NIBAN2: variants seen among roughly 807,000 people sequenced by gnomAD.
The protein encoded by NIBAN2 is niban apoptosis regulator 2.
A neutral mutation model predicts 81.8 loss-of-function variants in NIBAN2; 36 were observed. The ratio of observed to expected loss-of-function variants is 0.44; its 90% CI spans 0.34 to 0.58. NIBAN2 has a LOEUF of 0.58. NIBAN2 is among the 20% of genes least tolerant of loss of function. NIBAN2 has a pLI of 0.02. For missense variants in NIBAN2, 897 were observed against 1,014.1 expected, an observed-to-expected ratio of 0.88 and a Z score of 1.57; for synonymous variants, 445 against 441.6, an observed-to-expected ratio of 1.01 and a Z score of -0.10.
chr9:127,539,430 G>C (rs1424663216), intron 1 of NIBAN2, among the ~76,000 whole-genome samples: 1 of 152,194 alleles, frequency 6.6e-6, no homozygotes, highest in Non-Finnish European at 1.5e-5. Flanking sequence ...GAGGCTCAGA[G>C]GGCAAAGTGA....
rs377205731 is a variant in NIBAN2 at position 127,527,209 on chromosome 9, G to A, written c.300C>T (p.Leu100=). The change falls in exon 3 of 14, where the codon CTC becomes CTT. Residue 100 remains leucine, a synonymous_variant. Transcript: ENST00000373312. ...CAGGCCTCACCGCTTTGTTTTCGTA[G>A]AGCACCAGCCCGTAGTTGTGGGGCA... The part of the protein sequence containing the change: ...SLVPHNYGLV[L]YENKAAYERQ... 2.5e-6 allele frequency: 4 copies of A among 1,613,672 alleles called. No individual in the cohort carries two copies. Among genetic ancestry groups the A allele is most frequent in the Non-Finnish European group, 3.4e-6 (4 of 1,179,970 alleles).
intron 4 of NIBAN2, among the ~76,000 whole-genome samples, chr9:127,524,513 G>A (rs915609799): frequency 1.3e-5 from 2 of 152,212 alleles, no homozygotes; most frequent in Non-Finnish European, 2.9e-5. Context: ...AGATTCAGGG[G>A]AGGGGGGGTG....
chr9:127,547,389 T>C (rs10125340), intron 1 of NIBAN2, among the ~76,000 whole-genome samples: 33,669 of 152,024 alleles, frequency 0.22, 4,241 homozygotes, highest in East Asian at 0.54. Flanking sequence ...TGGTGGCGCA[T>C]GCCTATAATC....
intron 1 of NIBAN2, among the ~76,000 whole-genome samples, chr9:127,558,694 C>A (rs573796187): frequency 1.3e-5 from 2 of 152,272 alleles, no homozygotes; most frequent in Non-Finnish European, 2.9e-5. Context: ...TACCCTTCGC[C>A]TCCCAGAGAA....
In NIBAN2 at chr9:127,577,761, G is replaced by A. The variant is rs533563504; in HGVS notation, c.16+1161C>T. On this transcript the variant is annotated intron_variant, in intron 1 of 13. Transcript: ENST00000373314. ...TAAGACCTCTTGCTCTGTAACCCAG[G>A]CTGGAGTGCAGTGAGTTGATCATGG... Among the ~76,000 whole-genome samples the A allele has an allele frequency of 5.3e-4, 80 of 151,370 alleles. 1 individual carries two copies. In the South Asian group the frequency reaches 0.017, roughly 31 times the overall value.
At chr9:127,565,342 G>A (rs955896841) in intron 1 of NIBAN2, among the ~76,000 whole-genome samples, 4 of 152,260 alleles carry the variant, frequency 2.6e-5, no homozygotes, top group East Asian at 1.9e-4. Context: ...AAACAGGAGC[G>A]ACTACTAAGG....
chr9:127,516,840 C>G lies in NIBAN2; in HGVS notation c.973+17G>C, dbSNP rs749989727. The G allele has an allele frequency of 1.2e-6, 2 of 1,604,726 alleles. No homozygotes were observed. Among genetic ancestry groups the G allele is most frequent in the South Asian group, 2.2e-5 (2 of 90,824 alleles). On this transcript the variant is annotated intron_variant, in intron 8 of 13. Coordinates refer to ENST00000373312, the MANE Select transcript of NIBAN2 (RefSeq NM_022833.4). ...TGGCCCCTGGAGGGCCCGTCGAGCA[C>G]GGGGGTGGCTGCCTACCTCGGATCT...
At chr9:127,577,082 C>T (rs928180827) in intron 1 of NIBAN2, among the ~76,000 whole-genome samples, 2 of 150,954 alleles carry the variant, frequency 1.3e-5, no homozygotes, top group African/African-American at 2.4e-5. Flanking sequence ...CCGAGGTGGG[C>T]GGATCACCTG....
At chr9:127,565,837 T>C (rs1837848367) in intron 1 of NIBAN2, among the ~76,000 whole-genome samples, 2 of 148,940 alleles carry the variant, frequency 1.3e-5, no homozygotes, top group South Asian at 4.3e-4. Context: ...TTCACACCTG[T>C]AATCCTAGCA....
At chr9:127,533,133 G>A (rs1837214972) in intron 1 of NIBAN2, among the ~76,000 whole-genome samples, 1 of 151,860 alleles carries the variant, frequency 6.6e-6, no homozygotes, top group Admixed American at 6.6e-5. Context: ...ACCCCATCCT[G>A]GGTGACAGAG....
At chr9:127,525,294 G>A (rs1417038564) in intron 3 of NIBAN2, 131 bp from the exon 4 acceptor site, 6 of 629,266 alleles carry the variant, frequency 9.5e-6, no homozygotes, top group Non-Finnish European at 1.7e-5. Context: ...AGGCAAGAGA[G>A]GAACAGAGGG....
Position 127,539,411 on chromosome 9 carries a change from G to A in NIBAN2, c.56-7633C>T, listed in dbSNP as rs537381970. On this transcript the variant is annotated intron_variant, in intron 1 of 13. Coordinates refer to ENST00000373312, the MANE Select transcript of NIBAN2 (RefSeq NM_022833.4). The stretch of plus-strand genomic sequence containing the variant: ...GCTTTACTATCCTCATCTTACAGAC[G>A]AGGAAACCGAGGCTCAGAGGGCAAA... 7.9e-5 allele frequency among the ~76,000 whole-genome samples: 12 copies of A among 152,224 alleles called. No individual in the cohort carries two copies. In the South Asian group the frequency reaches 1.7e-3, roughly 21 times the overall value.
intron 1 of NIBAN2, among the ~76,000 whole-genome samples, chr9:127,564,113 TA>T (rs1837818347): frequency 6.6e-6 from 1 of 151,854 alleles, no homozygotes; most frequent in Non-Finnish European, 1.5e-5. Context: ...ACCAATATGG[TA>T]AAACCCCATC....
chr9:127,509,187 C>A (rs1836680355), intron 9 of NIBAN2, 56 bp from the exon 10 acceptor site: 6 of 1,515,438 alleles, frequency 4.0e-6, no homozygotes, highest in Admixed American at 4.0e-5. Flanking sequence ...CCAGGCAGCA[C>A]CCCCCACACA....
At chr9:127,523,510 A>G (rs1030240510) in intron 5 of NIBAN2, among the ~76,000 whole-genome samples, 169 bp downstream of exon 5, 1 of 152,050 alleles carries the variant, frequency 6.6e-6, no homozygotes, top group Non-Finnish European at 1.5e-5. Context: ...TCATCAAGAA[A>G]GAAGACTAAG....
intron 1 of NIBAN2, among the ~76,000 whole-genome samples, chr9:127,548,900 C>A (rs954922848): frequency 3.3e-5 from 5 of 152,204 alleles, no homozygotes; most frequent in Non-Finnish European, 7.3e-5. Context: ...AGAAGACACA[C>A]AAGATCCCAG....
At chr9:127,523,630 C>A (rs1490578663) in intron 5 of NIBAN2, 49 bp downstream of exon 5, 1 of 1,577,194 alleles carries the variant, frequency 6.3e-7, no homozygotes, top group Non-Finnish European at 8.7e-7. Context: ...AGCAATAACC[C>A]AGGTCCTGCC....
intron 1 of NIBAN2, among the ~76,000 whole-genome samples, chr9:127,537,857 T>C (rs764412692): frequency 1.3e-5 from 2 of 151,992 alleles, no homozygotes; most frequent in Non-Finnish European, 2.9e-5. Flanking sequence ...CTCACAGAGG[T>C]TGTCACAAAA....
At chr9:127,520,076 G>A (rs915088625) in intron 5 of NIBAN2, among the ~76,000 whole-genome samples, 2 of 152,142 alleles carry the variant, frequency 1.3e-5, no homozygotes, top group Admixed American at 1.3e-4. Context: ...ACACCCAGCC[G>A]CTGAGTGTGA....
Sources: gnomAD v4.1 joint callset for allele counts (sites outside exome capture counted in the v4.1 genomes callset) on GRCh38, gnomAD v4.1.1 for gene constraint, MANE v1.5 for transcripts, NCBI Gene and HGNC (gene_info 2026-07-23, HGNC 2026-07-21) for gene names.